PCSK6: variants seen among roughly 807,000 people sequenced by gnomAD.
PCSK6 encodes paired basic amino acid cleaving enzyme 4.
In PCSK6, 85 loss-of-function variants were observed where a neutral mutation model predicts 123.3. That is an observed-to-expected ratio of 0.69 (90% CI 0.58 to 0.83). The LOEUF is 0.83. Ranked by LOEUF, PCSK6 falls within the 40% of genes least tolerant of loss-of-function variation. The pLI, the probability that PCSK6 is intolerant of heterozygous loss-of-function variation, is 0.00. For missense variants in PCSK6, 1,191 were observed against 1,282.3 expected (o/e 0.93, Z 1.09); for synonymous variants, 508 against 516.0 (o/e 0.98, Z 0.21).
At chr15:101,347,339 C>T (rs1182800079) in intron 13 of PCSK6, 7 of 1,234,778 alleles carry the variant, frequency 5.7e-6, no homozygotes, top group African/African-American at 4.7e-5. Flanking sequence ...AAAATGAGAA[C>T]AGTTATGCTC....
intron 1 of PCSK6, among the ~76,000 whole-genome samples, chr15:101,463,426 C>A (rs34937195): frequency 0.74 from 112,983 of 151,686 alleles, 42,685 homozygotes; most frequent in Non-Finnish European, 0.82. Flanking sequence ...CCAAGCGTTG[C>A]AACAATTCTG....
chr15:101,431,969 C>T (rs770260083), intron 3 of PCSK6, 21 bp downstream of exon 3: 1 of 1,559,518 alleles, frequency 6.4e-7, no homozygotes, highest in Non-Finnish European at 8.8e-7. Flanking sequence ...CTGGGGCAGA[C>T]AGAGGTCCTG....
chr15:101,364,904 C>T, intron 13 of PCSK6: 1 of 649,608 alleles, frequency 1.5e-6, no homozygotes, highest in Non-Finnish European at 2.9e-6. Context: ...TATTTCAAAA[C>T]TTACTACAAA....
At chr15:101,457,009 C>A (rs2057201742) in intron 1 of PCSK6, among the ~76,000 whole-genome samples, 1 of 151,888 alleles carries the variant, frequency 6.6e-6, no homozygotes, top group African/African-American at 2.4e-5. Context: ...CCGTCTCTAC[C>A]AAAAATATAA....
At chr15:101,330,757 T>C (rs534867349) in intron 15 of PCSK6, among the ~76,000 whole-genome samples, 14 of 152,268 alleles carry the variant, frequency 9.2e-5, no homozygotes, top group Non-Finnish European at 1.8e-4. Flanking sequence ...AAAAAATCAG[T>C]TCCTTATTAA....
intron 4 of PCSK6, among the ~76,000 whole-genome samples, chr15:101,430,731 C>A (rs537033149): frequency 6.6e-6 from 1 of 152,342 alleles, no homozygotes; most frequent in Non-Finnish European, 1.5e-5. Flanking sequence ...TACTTAATCA[C>A]CGGTAGGTGC....
intron 13 of PCSK6, among the ~76,000 whole-genome samples, chr15:101,364,398 T>C (rs2041328888): frequency 1.3e-5 from 2 of 152,230 alleles, no homozygotes; most frequent in South Asian, 2.1e-4. Context: ...CCAGTTTTCT[T>C]TCCTGGTTGT....
intron 18 of PCSK6, among the ~76,000 whole-genome samples, chr15:101,321,085 T>A (rs2040111840): frequency 6.6e-6 from 1 of 152,198 alleles, no homozygotes; most frequent in Non-Finnish European, 1.5e-5. Context: ...CTCCTCTTCC[T>A]GATGCCCCCA....
At chr15:101,390,422 G>C (rs1373954491) in intron 8 of PCSK6, among the ~76,000 whole-genome samples, 1 of 99,736 alleles carries the variant, frequency 1.0e-5, no homozygotes, top group Non-Finnish European at 2.1e-5. Flanking sequence ...TTGGTAGCCA[G>C]CCGACCTTAA....
intron 1 of PCSK6, among the ~76,000 whole-genome samples, chr15:101,482,225 T>A (rs1412327918): frequency 6.6e-6 from 1 of 152,212 alleles, no homozygotes; most frequent in African/African-American, 2.4e-5. Context: ...TGTCAGAAGG[T>A]ACCTGGGTCT....
intron 13 of PCSK6, among the ~76,000 whole-genome samples, chr15:101,337,710 G>A (rs893315747): frequency 3.3e-5 from 5 of 152,168 alleles, no homozygotes; most frequent in African/African-American, 4.8e-5. Flanking sequence ...GAGGCATCAC[G>A]GGGGCAGGGA....
intron 13 of PCSK6, among the ~76,000 whole-genome samples, chr15:101,358,466 T>C (rs1303632019): frequency 6.6e-6 from 1 of 152,234 alleles, no homozygotes; most frequent in Non-Finnish European, 1.5e-5. Flanking sequence ...CCCTTGTGCA[T>C]GGTACTATTG....
intron 6 of PCSK6, among the ~76,000 whole-genome samples, chr15:101,422,408 T>C (rs2056110450): frequency 6.6e-6 from 1 of 152,248 alleles, no homozygotes; most frequent in Non-Finnish European, 1.5e-5. Flanking sequence ...GCAGTCCATC[T>C]GGAGTTTCAG....
Position 101,443,656 on chromosome 15 carries a change from C to T in PCSK6, c.302G>A (p.Gly101Glu). 2 of 1,610,812 alleles carry T rather than the reference C, an allele frequency of 1.2e-6. No individual in the cohort carries two copies. The highest frequency in any genetic ancestry group is 2.2e-5 in the South Asian group (2 of 91,008). ...AHGYLNLGQI[G>E]NLEDYYHFYH... is the part of the protein sequence containing the mutation. The stretch of plus-strand genomic sequence containing the variant: ...AAAATGGTAGTAATCTTCCAGGTTT[C>T]CAATCTGCAAGACAAGAAGCAGAAT... The change falls in exon 2 of 22, where the codon GGA becomes GAA. Residue 101 changes from glycine (G) to glutamate (E), a missense_variant. Coordinates refer to ENST00000611716, the MANE Select transcript of PCSK6 (RefSeq NM_002570.5).
chr15:101,474,669 A>T (rs996386031), intron 1 of PCSK6, among the ~76,000 whole-genome samples: 2 of 152,074 alleles, frequency 1.3e-5, no homozygotes, highest in Admixed American at 1.3e-4. Flanking sequence ...ACTCTCCACC[A>T]TTCTCTGCCC....
chr15:101,436,399 T>C (rs968410110), intron 2 of PCSK6, among the ~76,000 whole-genome samples: 2 of 152,230 alleles, frequency 1.3e-5, no homozygotes, highest in African/African-American at 4.8e-5. Flanking sequence ...TGCACAGTTG[T>C]AGCCAACGCA....
chr15:101,347,469 T>C, intron 13 of PCSK6: 4 of 1,257,918 alleles, frequency 3.2e-6, no homozygotes, highest in Non-Finnish European at 4.0e-6. Flanking sequence ...TTCCCCTTCA[T>C]TAAACATTTT....
rs766437379 is a variant in PCSK6 at position 101,322,696 on chromosome 15, G to T, written c.2378-89C>A. The T allele has an allele frequency of 4.9e-6, 4 of 818,778 alleles. No homozygotes were observed. In the African/African-American group the frequency reaches 6.8e-5, roughly 14 times the overall value. The allele number at this position is 818,778 out of a possible 1,614,324, so 50.7% of individuals were successfully genotyped here. A position where few individuals can be genotyped will look rare whatever the true frequency, so the allele number is the denominator to read the frequency against. On this transcript the variant is annotated intron_variant, in intron 17 of 21. Transcript: ENST00000611716. Reference sequence around the variant, plus strand: ...AAGCAGGCCCCCGGCATTTCAAAGCGGGGGTGCGGGTGGGCTGTTCCCCGA... The same window carrying T: ...AAGCAGGCCCCCGGCATTTCAAAGCTGGGGTGCGGGTGGGCTGTTCCCCGA...
intron 13 of PCSK6, among the ~76,000 whole-genome samples, chr15:101,363,382 T>C (rs955900774): frequency 3.3e-5 from 5 of 152,220 alleles, no homozygotes; most frequent in African/African-American, 9.6e-5. Context: ...CCATGTGCTC[T>C]CCTGCATACA....
Sources: allele counts gnomAD v4.1 joint callset (sites outside exome capture counted in the v4.1 genomes callset), GRCh38; gene constraint gnomAD v4.1.1; transcripts MANE v1.5; gene names NCBI Gene and HGNC (gene_info 2026-07-23, HGNC 2026-07-21).